The following LRRK1 variants were observed in gnomAD, a reference collection of about 807,000 sequenced individuals.
The protein encoded by LRRK1 is leucine rich repeat kinase 1.
A neutral mutation model predicts 209.1 loss-of-function variants in LRRK1; 113 were observed. The ratio of observed to expected loss-of-function variants is 0.54; its 90% CI spans 0.46 to 0.63. The LOEUF (loss-of-function observed/expected upper bound fraction) is 0.63. LRRK1 is among the 30% of genes least tolerant of loss of function. The pLI, the probability that LRRK1 is intolerant of heterozygous loss-of-function variation, is 0.00. For synonymous variants in LRRK1, 1,144 were observed against 1,099.7 expected (o/e 1.04, Z -0.80); for missense variants, 2,284 against 2,632.2 (o/e 0.87, Z 2.89).
At chr15:100,995,141 A>G (rs529693332) in intron 6 of LRRK1, among the ~76,000 whole-genome samples, 1 of 152,288 alleles carries the variant, frequency 6.6e-6, no homozygotes, top group African/African-American at 2.4e-5. Flanking sequence ...GTCACGGGCC[A>G]CGCGATGATG....
chr15:100,998,900 A>G (rs1297750486), intron 6 of LRRK1, among the ~76,000 whole-genome samples: 1 of 152,100 alleles, frequency 6.6e-6, no homozygotes, highest in Non-Finnish European at 1.5e-5. Context: ...GGGTGGGTGG[A>G]TAGATGGATG....
chr15:100,985,788 G>A (rs2031833734), intron 4 of LRRK1, among the ~76,000 whole-genome samples: 1 of 152,244 alleles, frequency 6.6e-6, no homozygotes, highest in Non-Finnish European at 1.5e-5. Context: ...GGTGGGCTTT[G>A]CAGAAAGTGC....
chr15:100,973,239 G>C (rs1313014212), intron 2 of LRRK1, among the ~76,000 whole-genome samples: 1 of 152,240 alleles, frequency 6.6e-6, no homozygotes, highest in East Asian at 1.9e-4. Flanking sequence ...CCACGCTCTG[G>C]TGAAGCAGCG....
chr15:101,032,857 C>G (rs2034342219), intron 20 of LRRK1, among the ~76,000 whole-genome samples: 1 of 152,188 alleles, frequency 6.6e-6, no homozygotes, highest in South Asian at 2.1e-4. Context: ...ATATGCCTAT[C>G]CTTATGCCAG....
intron 2 of LRRK1, among the ~76,000 whole-genome samples, chr15:100,961,498 C>T (rs1208994098): frequency 6.6e-6 from 1 of 152,000 alleles, no homozygotes. Context: ...ACTAAAAATA[C>T]AAAAATTAGC....
chr15:101,077,871 C>T lies in LRRK1; in HGVS notation c.*9023C>T, dbSNP rs1317654351. 1 of 152,246 alleles carries T rather than the reference C, an allele frequency of 6.6e-6. No homozygotes were observed. Among genetic ancestry groups the T allele is most frequent in the Non-Finnish European group, 1.5e-5 (1 of 68,056 alleles). 9.4% of individuals were successfully genotyped at this position (152,246 alleles called of 1,614,324 possible). A position where few individuals can be genotyped will look rare whatever the true frequency, so the allele number is the denominator to read the frequency against. ...CCTCTGAGCCCAAGCTAAGCCATCG[C>T]ATCCCCTGTGACCTGCACGCATATA... On this transcript the variant is annotated 3_prime_UTR_variant, in exon 34 of 34. Coordinates refer to ENST00000388948, the MANE Select transcript of LRRK1 (RefSeq NM_024652.6).
chr15:101,068,141 C>T (rs1567294626), intron 33 of LRRK1, among the ~76,000 whole-genome samples: 2 of 152,186 alleles, frequency 1.3e-5, no homozygotes, highest in Admixed American at 6.5e-5. Flanking sequence ...CACACACCCA[C>T]CGATCCTGCA....
At chr15:101,013,139 A>C (rs2033353453) in intron 10 of LRRK1, among the ~76,000 whole-genome samples, 1 of 150,272 alleles carries the variant, frequency 6.7e-6, no homozygotes, top group Non-Finnish European at 1.5e-5. Context: ...CTCCTTCTCC[A>C]CACTGGGAAG....
rs373551999 is a variant in LRRK1 at position 101,049,629 on chromosome 15, G to T, written c.3300-15G>T. On this transcript the variant is annotated splice_polypyrimidine_tract_variant and intron_variant, in intron 22 of 33. Transcript: ENST00000388948. ...GCCAGATCGCAATGGGCTCCTTTTGGTCTCTGGATTGCAGTGTGGAATCTT... is the reference window on the plus strand; with the variant it reads ...GCCAGATCGCAATGGGCTCCTTTTGTTCTCTGGATTGCAGTGTGGAATCTT... 8.1e-6 allele frequency: 13 copies of T among 1,612,248 alleles called. No individual in the cohort carries two copies. In the African/African-American group the frequency reaches 1.5e-4, roughly 18 times the overall value.
chr15:101,034,511 G>A (rs1412831913), intron 20 of LRRK1, among the ~76,000 whole-genome samples: 2 of 152,182 alleles, frequency 1.3e-5, no homozygotes, highest in Admixed American at 1.3e-4. Flanking sequence ...TGAAGAGGGT[G>A]TATTTTCTCC....
chr15:101,022,298 A>T lies in LRRK1; in HGVS notation c.1853-85A>T, dbSNP rs1032436745. 3.1e-6 allele frequency: 4 copies of T among 1,276,320 alleles called. No individual in the cohort carries two copies. The highest frequency in any genetic ancestry group is 3.5e-5 in the Admixed American group (2 of 57,492). 79.1% of individuals were successfully genotyped at this position (1,276,320 alleles called of 1,614,324 possible). ...TGTCCCCACTAAAACACAAAGAAGG[A>T]GTTCCTTCACAACAGGATTTTGTGT... is the stretch of plus-strand genomic sequence containing the variant. On this transcript the variant is annotated intron_variant, in intron 14 of 33. Coordinates refer to ENST00000388948, the MANE Select transcript of LRRK1 (RefSeq NM_024652.6). This position sits in a 1 kb window ranked among gnomAD's most constrained non-coding sequence, Gnocchi z 4.0.
intron 21 of LRRK1, 86 bp downstream of exon 21, chr15:101,046,238 G>T: frequency 7.1e-7 from 1 of 1,416,060 alleles, no homozygotes; most frequent in South Asian, 1.3e-5. Flanking sequence ...CCCTTTGCTG[G>T]GGGGCCCTGC....
At chr15:100,988,525 C>A in intron 4 of LRRK1, 109 bp from the exon 5 acceptor site, 1 of 989,816 alleles carries the variant, frequency 1.0e-6, no homozygotes, top group Non-Finnish European at 1.6e-6. Flanking sequence ...AAATGTACCA[C>A]ATTTTATTTA....
At chr15:101,056,136 T>C (rs1240993334) in intron 27 of LRRK1, among the ~76,000 whole-genome samples, 2 of 152,372 alleles carry the variant, frequency 1.3e-5, no homozygotes, top group African/African-American at 4.8e-5. Context: ...TCAGTCATTC[T>C]CCTGCTAAAA....
intron 13 of LRRK1, 113 bp from the exon 14 acceptor site, chr15:101,021,732 T>A (rs1357556238): frequency 1.5e-6 from 1 of 671,612 alleles, no homozygotes; most frequent in African/African-American, 1.8e-5. Context: ...AAGTGTGGGG[T>A]CTGGGGTACA....
chr15:100,998,243 A>G (rs996898825), intron 6 of LRRK1, among the ~76,000 whole-genome samples: 6 of 151,420 alleles, frequency 4.0e-5, no homozygotes, highest in Admixed American at 6.6e-5. Flanking sequence ...TATACCATCC[A>G]TGCTGTACCA....
chr15:101,025,102 T>TG (rs939980070), intron 16 of LRRK1, 135 bp downstream of exon 16: 1 of 822,458 alleles, frequency 1.2e-6, no homozygotes, highest in African/African-American at 1.7e-5. Context: ...ACCGTGGTCC[T>TG]GCTTGCTTTT....
chr15:101,027,165 C>A lies in LRRK1; in HGVS notation c.2406-96C>A. The A allele has an allele frequency of 6.7e-7, 1 of 1,489,020 alleles. No individual in the cohort carries two copies. The highest frequency in any genetic ancestry group is 1.3e-5 in the South Asian group (1 of 78,474). 92.2% of individuals were successfully genotyped at this position (1,489,020 alleles called of 1,614,324 possible). ...GTCTTTCACGAGTTCTCCAGACTTG[C>A]CAGCGTTCAGGACAAACCTCTCAGG... On this transcript the variant is annotated intron_variant, in intron 17 of 33. Coordinates refer to ENST00000388948, the MANE Select transcript of LRRK1 (RefSeq NM_024652.6). The surrounding 1 kb of genome is among the most constrained non-coding windows in gnomAD (Gnocchi z 5.1).
At chr15:101,010,333 T>A in intron 7 of LRRK1, 117 bp from the exon 8 acceptor site, 2 of 1,093,884 alleles carry the variant, frequency 1.8e-6, no homozygotes, top group Non-Finnish European at 2.6e-6. Context: ...GCACACTCTT[T>A]AACCTTGCAT....
Sources: allele counts gnomAD v4.1 joint callset (sites outside exome capture counted in the v4.1 genomes callset), GRCh38; gene constraint gnomAD v4.1.1; non-coding constraint Gnocchi (gnomAD v3.1); transcripts MANE v1.5; gene names NCBI Gene and HGNC (gene_info 2026-07-23, HGNC 2026-07-21).